Variants in FXR1 observed in about 807,000 individuals in gnomAD.
FXR1 encodes the protein RNA-binding protein FXR1.
FXR1 carries 15 observed loss-of-function variants against 84.0 expected under a neutral mutation model. That is an observed-to-expected ratio of 0.18 (90% CI 0.12 to 0.27). The LOEUF (loss-of-function observed/expected upper bound fraction) is 0.27. FXR1 is among the 10% of genes least tolerant of loss of function. FXR1 has a pLI of 1.00. For synonymous variants in FXR1, 245 were observed against 250.7 expected (o/e 0.98, Z 0.21); for missense variants, 480 against 774.4 (o/e 0.62, Z 4.51).
chr3:180,922,575 A>AAG (rs1396558550), intron 1 of FXR1, among the ~76,000 whole-genome samples: 2 of 152,114 alleles, frequency 1.3e-5, no homozygotes, highest in Non-Finnish European at 1.5e-5. Flanking sequence ...GACCTGATGT[A>AAG]AGAGTGTCCA....
intron 1 of FXR1, among the ~76,000 whole-genome samples, chr3:180,925,626 C>T (rs1719083924): frequency 6.6e-6 from 1 of 152,262 alleles, no homozygotes; most frequent in East Asian, 1.9e-4. Flanking sequence ...TATGTCCTGA[C>T]TGACATGTGG....
At chr3:180,949,417 G>T in intron 7 of FXR1, 74 bp downstream of exon 7, 1 of 807,954 alleles carries the variant, frequency 1.2e-6, no homozygotes. Flanking sequence ...GACAGATTCT[G>T]GCTCTGTTGC....
chr3:180,917,128 G>A (rs559515868), intron 1 of FXR1, among the ~76,000 whole-genome samples: 2 of 152,298 alleles, frequency 1.3e-5, no homozygotes, highest in African/African-American at 2.4e-5. Context: ...GAGCCACCGC[G>A]CCTGGCCAGA....
intron 5 of FXR1, 109 bp downstream of exon 5, chr3:180,948,604 TTAA>T: frequency 9.9e-7 from 1 of 1,007,698 alleles, no homozygotes. Context: ...GAAAATCATC[TTAA>T]TGAACAAAGG....
rs775375701 is a variant in FXR1 at position 180,957,917 on chromosome 3, C to T, written c.979C>T (p.Pro327Ser). Reference protein sequence around the residue: ...RIEGDNENKLPREDGMVPFVF... With the variant: ...RIEGDNENKLSREDGMVPFVF... ...TGAAGGGGACAATGAAAATAAATTACCCAGAGAAGACGTAAGTATTTAAAA... is the reference window on the plus strand; with the variant it reads ...TGAAGGGGACAATGAAAATAAATTATCCAGAGAAGACGTAAGTATTTAAAA... The change falls in exon 10 of 17, where the codon CCC becomes TCC. Residue 327 changes from proline (P) to serine (S), a missense_variant. Pro to Ser is a moderately conservative substitution (Grantham distance 74). Transcript: ENST00000357559. The T allele has an allele frequency of 1.4e-6, 2 of 1,463,038 alleles. No homozygotes were observed. 90.6% of individuals were successfully genotyped at this position (1,463,038 alleles called of 1,614,324 possible). A position where few individuals can be genotyped will look rare whatever the true frequency, so the allele number is the denominator to read the frequency against.
At chr3:180,930,697 T>C (rs1433322561) in intron 1 of FXR1, among the ~76,000 whole-genome samples, 1 of 152,144 alleles carries the variant, frequency 6.6e-6, no homozygotes, top group African/African-American at 2.4e-5. Context: ...TACAGTTATA[T>C]TTGCTGGTAA....
intron 3 of FXR1, among the ~76,000 whole-genome samples, chr3:180,943,633 C>T (rs111485883): frequency 2.2e-4 from 33 of 152,188 alleles, no homozygotes; most frequent in African/African-American, 7.7e-4. Flanking sequence ...CTTGGTCTTT[C>T]AGGGGTGAAG....
intron 3 of FXR1, among the ~76,000 whole-genome samples, chr3:180,939,009 C>T (rs1224976370): frequency 6.6e-6 from 1 of 151,908 alleles, no homozygotes; most frequent in Non-Finnish European, 1.5e-5. Flanking sequence ...GATTGTCGTG[C>T]CTTGGCCTCT....
chr3:180,918,932 A>G (rs1360309969), intron 1 of FXR1, among the ~76,000 whole-genome samples: 1 of 152,260 alleles, frequency 6.6e-6, no homozygotes, highest in Non-Finnish European at 1.5e-5. Flanking sequence ...GTAAAGTTAG[A>G]TGCTGATTCA....
intron 1 of FXR1, among the ~76,000 whole-genome samples, chr3:180,916,477 G>A (rs1295686565): frequency 3.9e-5 from 6 of 152,146 alleles, no homozygotes; most frequent in Non-Finnish European, 8.8e-5. Context: ...GTGCGATCTC[G>A]GCTCACTGCA....
intron 1 of FXR1, among the ~76,000 whole-genome samples, chr3:180,914,242 T>C (rs1805584): frequency 0.17 from 26,045 of 152,164 alleles, 2,469 homozygotes; most frequent in South Asian, 0.25. Flanking sequence ...TTTGTTGTTA[T>C]TGAAACCTGG....
At chr3:180,914,093 T>C (rs1717586495) in intron 1 of FXR1, among the ~76,000 whole-genome samples, 1 of 152,206 alleles carries the variant, frequency 6.6e-6, no homozygotes, top group Non-Finnish European at 1.5e-5. Flanking sequence ...CCTTAGGTGG[T>C]AAACTTAAAG....
At chr3:180,923,556 TAACTA>T (rs1344514363) in intron 1 of FXR1, among the ~76,000 whole-genome samples, 2 of 152,120 alleles carry the variant, frequency 1.3e-5, no homozygotes, top group Non-Finnish European at 2.9e-5. Context: ...TATAATCTGT[TAACTA>T]TGTAGACAGT....
intron 7 of FXR1, 21 bp from the exon 8 acceptor site, chr3:180,951,277 C>G: frequency 6.8e-7 from 1 of 1,478,322 alleles, no homozygotes; most frequent in Non-Finnish European, 9.4e-7. Context: ...TTTTATATTA[C>G]TAATTTTCCT....
At chr3:180,940,528 A>G (rs868751346) in intron 3 of FXR1, among the ~76,000 whole-genome samples, 8 of 152,046 alleles carry the variant, frequency 5.3e-5, no homozygotes, top group Admixed American at 2.0e-4. Flanking sequence ...GACACGTTAC[A>G]TAGTAAGCCT....
rs1423852523 is a variant in FXR1 at position 180,973,498 on chromosome 3, T to G, written c.1604-1815T>G. Among the ~76,000 whole-genome samples the G allele has an allele frequency of 2.0e-5, 3 of 152,246 alleles. No homozygotes were observed. In the East Asian group the frequency reaches 5.8e-4, roughly 29 times the overall value. On this transcript the variant is annotated intron_variant, in intron 15 of 16. Transcript: ENST00000357559. ...GAACTTGGAAACAGTGCATTCACTA[T>G]GCTGTTCCCCACACTGGCTAGAATT...
At chr3:180,970,413 TATA>T (rs1713408619) in intron 15 of FXR1, 55 bp downstream of exon 15, 1 of 294,254 alleles carries the variant, frequency 3.4e-6, no homozygotes, top group African/African-American at 2.3e-5. Context: ...TATATATATA[TATA>T]TATATAATTG....
intron 1 of FXR1, among the ~76,000 whole-genome samples, chr3:180,928,168 C>G (rs984602868): frequency 2.0e-5 from 3 of 151,164 alleles, no homozygotes; most frequent in African/African-American, 7.3e-5. Flanking sequence ...CTGTTTTCCC[C>G]AAGAATTATT....
chr3:180,967,222 T>C (rs1712942154), intron 13 of FXR1, among the ~76,000 whole-genome samples: 1 of 152,182 alleles, frequency 6.6e-6, no homozygotes, highest in South Asian at 2.1e-4. Flanking sequence ...TAGTTACTTT[T>C]AATGGCAAAA....
Sources: gnomAD v4.1 joint callset for allele counts (sites outside exome capture counted in the v4.1 genomes callset) on GRCh38, gnomAD v4.1.1 for gene constraint, MANE v1.5 for transcripts, NCBI Gene and HGNC (gene_info 2026-07-23, HGNC 2026-07-21) for gene names.